Variants in DAB1 observed in about 807,000 individuals in gnomAD.
DAB1 encodes DAB adaptor protein 1.
A neutral mutation model predicts 64.6 loss-of-function variants in DAB1; 15 were observed. The ratio of observed to expected loss-of-function variants is 0.23; its 90% CI spans 0.16 to 0.36. The LOEUF (loss-of-function observed/expected upper bound fraction) is 0.36, where lower values mean the gene tolerates loss of function less well. Among genes scored for constraint, DAB1 ranks in the 10% least tolerant of loss-of-function variants. DAB1 has a pLI of 1.00. For synonymous variants in DAB1, 235 were observed against 251.9 expected, an observed-to-expected ratio of 0.93 and a Z score of 0.64; for missense variants, 596 against 706.7, an observed-to-expected ratio of 0.84 and a Z score of 1.78.
intron 9 of DAB1, among the ~76,000 whole-genome samples, chr1:57,038,155 T>C (rs1390379361): frequency 6.6e-6 from 1 of 152,216 alleles, no homozygotes; most frequent in Non-Finnish European, 1.5e-5. Flanking sequence ...CTTCCTTACA[T>C]ATTCTCTTCT....
intron 7 of DAB1, among the ~76,000 whole-genome samples, chr1:57,489,139 T>C (rs1644130341): frequency 6.6e-6 from 1 of 152,206 alleles, no homozygotes; most frequent in African/African-American, 2.4e-5. Flanking sequence ...CTTGATGCTT[T>C]TGCCACTCCA....
intron 9 of DAB1, among the ~76,000 whole-genome samples, chr1:57,053,660 C>CTA (rs1553134276): frequency 1.7e-5 from 2 of 116,700 alleles, no homozygotes; most frequent in African/African-American, 6.6e-5. Flanking sequence ...CTCTCTCTCT[C>CTA]TATATGTATA....
At chr1:57,859,974 T>A (rs147273351) in intron 1 of DAB1, among the ~76,000 whole-genome samples, 3 of 152,204 alleles carry the variant, frequency 2.0e-5, no homozygotes, top group Admixed American at 2.0e-4. Flanking sequence ...TGTGTTCTGA[T>A]CTTCAGAGCT....
At chr1:58,492,955 C>T (rs1645725366) in intron 3 of DAB1, among the ~76,000 whole-genome samples, 1 of 151,950 alleles carries the variant, frequency 6.6e-6, no homozygotes, top group Non-Finnish European at 1.5e-5. Flanking sequence ...CTGGCAGAGA[C>T]ACAACAAAAA....
At chr1:57,954,363 C>A (rs1369089634) in intron 5 of DAB1, among the ~76,000 whole-genome samples, 1 of 152,082 alleles carries the variant, frequency 6.6e-6, no homozygotes, top group Non-Finnish European at 1.5e-5. Flanking sequence ...GCGATATAAG[C>A]CAGGACAAGT....
In DAB1 at chr1:58,313,361, TAC is replaced by T. The variant is rs539123575; in HGVS notation, n.309+29989_309+29990del. 9.2e-5 allele frequency among the ~76,000 whole-genome samples: 14 copies of T among 152,242 alleles called. 1 individual carries two copies. The South Asian group carries it at 1.7e-3, about 18-fold the overall frequency. ...TGAAGGGGCAAGAGGGAGGAGTGGT[TAC>T]CAGAACCCAGCCCATGACAGGGACA... On this transcript the variant is annotated intron_variant and non_coding_transcript_variant, in intron 4 of 20. Transcript: ENST00000485760.
At chr1:58,359,682 A>AGATGGTAGCAAGGGGTGAGAGT in intron 3 of DAB1, among the ~76,000 whole-genome samples, 1 of 150,350 alleles carries the variant, frequency 6.7e-6, no homozygotes, top group South Asian at 2.2e-4. Flanking sequence ...TGATAGGTAG[A>AGATGGTAGCAAGGGGTGAGAGT]GATGATAGCA....
At chr1:58,473,683 A>G (rs1317498361) in intron 3 of DAB1, 3 of 331,298 alleles carry the variant, frequency 9.1e-6, no homozygotes, top group Non-Finnish European at 1.7e-5. Context: ...AGAGGTCTCA[A>G]TAATGAATGC....
At chr1:58,201,895 C>A (rs2100265584) in intron 4 of DAB1, among the ~76,000 whole-genome samples, 1 of 152,200 alleles carries the variant, frequency 6.6e-6, no homozygotes, top group African/African-American at 2.4e-5. Flanking sequence ...GGTAACAAAC[C>A]TGATAGGTAG....
intron 5 of DAB1, among the ~76,000 whole-genome samples, chr1:57,897,343 G>A (rs1360047773): frequency 1.3e-5 from 2 of 152,150 alleles, no homozygotes; most frequent in Non-Finnish European, 1.5e-5. Context: ...ACAAGAGAAC[G>A]AGACAGGCAG....
At chr1:57,112,849 A>G (rs1655790114) in intron 4 of DAB1, among the ~76,000 whole-genome samples, 1 of 152,340 alleles carries the variant, frequency 6.6e-6, no homozygotes, top group Middle Eastern at 3.4e-3. Context: ...TACAAAGATG[A>G]AAAGAAACAG....
At chr1:57,011,457 C>T (rs1646264310) in intron 12 of DAB1, among the ~76,000 whole-genome samples, 185 bp from the exon 13 acceptor site, 1 of 152,202 alleles carries the variant, frequency 6.6e-6, no homozygotes, top group Non-Finnish European at 1.5e-5. Context: ...TCTCACACAT[C>T]TGACTTCAGG....
At chr1:57,490,661 A>C (rs1374794553) in intron 7 of DAB1, among the ~76,000 whole-genome samples, 1 of 152,232 alleles carries the variant, frequency 6.6e-6, no homozygotes, top group African/African-American at 2.4e-5. Context: ...CAGAACTCAC[A>C]AAGTTTCTGA....
intron 9 of DAB1, among the ~76,000 whole-genome samples, chr1:57,062,556 A>T (rs543722478): frequency 2.0e-5 from 3 of 152,294 alleles, no homozygotes; most frequent in Non-Finnish European, 2.9e-5. Context: ...TAGAAGAATT[A>T]CTTCTTCTAA....
At chr1:57,582,984 G>A (rs1558514310) in intron 7 of DAB1, among the ~76,000 whole-genome samples, 2 of 152,164 alleles carry the variant, frequency 1.3e-5, no homozygotes, top group African/African-American at 2.4e-5. Flanking sequence ...CCTATATGCT[G>A]GAATGTGAGG....
At chr1:58,299,563 G>A (rs1662072749) in intron 4 of DAB1, among the ~76,000 whole-genome samples, 1 of 152,120 alleles carries the variant, frequency 6.6e-6, no homozygotes, top group Non-Finnish European at 1.5e-5. Context: ...ACATATATGG[G>A]GTGATTCCTC....
At chr1:57,009,701 T>C (rs1646205192) in intron 14 of DAB1, among the ~76,000 whole-genome samples, 1 of 152,168 alleles carries the variant, frequency 6.6e-6, no homozygotes, top group Non-Finnish European at 1.5e-5. Context: ...ACTAAGAAGG[T>C]ATCTGAAAAT....
chr1:57,110,843 G>A (rs1234475431), intron 4 of DAB1, among the ~76,000 whole-genome samples: 2 of 152,026 alleles, frequency 1.3e-5, no homozygotes, highest in Non-Finnish European at 2.9e-5. Context: ...ACAAAACTGA[G>A]ATCTAAAGAG....
At chr1:58,248,100 T>A (rs1570537981) in intron 4 of DAB1, among the ~76,000 whole-genome samples, 1 of 150,822 alleles carries the variant, frequency 6.6e-6, no homozygotes, top group Non-Finnish European at 1.5e-5. Flanking sequence ...AAAAAAAAAA[T>A]CTTGTCAAAG....
Sources: gnomAD v4.1 joint callset for allele counts (sites outside exome capture counted in the v4.1 genomes callset) on GRCh38, gnomAD v4.1.1 for gene constraint, MANE v1.5 for transcripts, NCBI Gene and HGNC (gene_info 2026-07-23, HGNC 2026-07-21) for gene names.